Variants in ZDHHC14 observed in about 807,000 individuals in gnomAD.
ZDHHC14 encodes zDHHC palmitoyltransferase 14.
ZDHHC14 carries 16 observed loss-of-function variants against 47.7 expected under a neutral mutation model. That is an observed-to-expected ratio of 0.34 (90% CI 0.23 to 0.51). The LOEUF (loss-of-function observed/expected upper bound fraction) is 0.51. Ranked by LOEUF, ZDHHC14 falls within the 20% of genes least tolerant of loss-of-function variation. ZDHHC14 has a pLI of 0.97. For missense variants in ZDHHC14, 515 were observed against 662.5 expected, an observed-to-expected ratio of 0.78 and a Z score of 2.44; for synonymous variants, 293 against 278.9, an observed-to-expected ratio of 1.05 and a Z score of -0.50.
At chr6:157,576,903 G>A (rs2114866700) in intron 2 of ZDHHC14, among the ~76,000 whole-genome samples, 1 of 152,264 alleles carries the variant, frequency 6.6e-6, no homozygotes, top group South Asian at 2.1e-4. Context: ...AGGGGTACAT[G>A]TGCAGGTTTC....
intron 8 of ZDHHC14, among the ~76,000 whole-genome samples, chr6:157,659,826 C>A (rs949973689): frequency 6.6e-6 from 1 of 152,202 alleles, no homozygotes; most frequent in Non-Finnish European, 1.5e-5. Context: ...TAAAAAAGTT[C>A]TTGCGTTCCA....
intron 1 of ZDHHC14, among the ~76,000 whole-genome samples, chr6:157,442,656 G>C (rs935788746): frequency 7.2e-5 from 11 of 152,222 alleles, no homozygotes; most frequent in African/African-American, 2.2e-4. Context: ...GATGTAGAAA[G>C]CGTACCCTGG....
chr6:157,611,452 A>G (rs1583017759), intron 3 of ZDHHC14, among the ~76,000 whole-genome samples: 1 of 152,196 alleles, frequency 6.6e-6, no homozygotes, highest in Non-Finnish European at 1.5e-5. Context: ...TGTCTAATAC[A>G]GTTTTTTGGA....
At chr6:157,397,641 CA>C (rs1369293860) in intron 1 of ZDHHC14, among the ~76,000 whole-genome samples, 1 of 152,188 alleles carries the variant, frequency 6.6e-6, no homozygotes, top group East Asian at 1.9e-4. Flanking sequence ...ATCACAGCTG[CA>C]GAGTCCCTTT....
At chr6:157,595,013 T>A (rs894304109) in intron 3 of ZDHHC14, among the ~76,000 whole-genome samples, 4 of 152,130 alleles carry the variant, frequency 2.6e-5, no homozygotes, top group Non-Finnish European at 4.4e-5. Context: ...TCTAATGCCT[T>A]ATTCTAGACT....
chr6:157,549,562 G>A (rs187351203), intron 2 of ZDHHC14, among the ~76,000 whole-genome samples: 1 of 152,128 alleles, frequency 6.6e-6, no homozygotes, highest in Non-Finnish European at 1.5e-5. Flanking sequence ...ACCATCTAGA[G>A]TGCATGGATG....
rs558255858 is a variant in ZDHHC14 at position 157,536,999 on chromosome 6, T to C, written c.246-5586T>C. Among the ~76,000 whole-genome samples, 101 of 109,146 alleles carry C rather than the reference T, an allele frequency of 9.3e-4. 18 individuals carry two copies. The highest frequency in any genetic ancestry group is 3.1e-3 in the African/African-American group (88 of 28,480). 71.6% of individuals were successfully genotyped at this position (109,146 alleles called of 152,430 possible). On this transcript the variant is annotated intron_variant, in intron 1 of 8. Coordinates refer to ENST00000359775, the MANE Select transcript of ZDHHC14 (RefSeq NM_024630.3). The stretch of plus-strand genomic sequence containing the variant: ...ACGCCCGGCTAATTTTTTGTATTTT[T>C]AGTAGAGACGGGGTTTCACCGTTTT...
At chr6:157,494,924 C>T (rs879900768) in intron 1 of ZDHHC14, among the ~76,000 whole-genome samples, 13 of 152,166 alleles carry the variant, frequency 8.5e-5, no homozygotes, top group Non-Finnish European at 1.3e-4. Flanking sequence ...CTCTTCTTGT[C>T]TCAACCCCTA....
chr6:157,621,188 G>A (rs1001051548), intron 3 of ZDHHC14, among the ~76,000 whole-genome samples: 3 of 152,112 alleles, frequency 2.0e-5, no homozygotes, highest in Non-Finnish European at 2.9e-5. Flanking sequence ...CCTTCAGCTA[G>A]TTTAATATTT....
At chr6:157,544,993 T>G (rs1781914791) in intron 2 of ZDHHC14, among the ~76,000 whole-genome samples, 1 of 152,246 alleles carries the variant, frequency 6.6e-6, no homozygotes, top group Non-Finnish European at 1.5e-5. Flanking sequence ...ATATGTGGTA[T>G]ATCCATACAA....
At chr6:157,517,261 AGTGGTGGGT>A (rs1265006326) in intron 1 of ZDHHC14, among the ~76,000 whole-genome samples, 3 of 150,974 alleles carry the variant, frequency 2.0e-5, no homozygotes, top group Non-Finnish European at 4.4e-5. Flanking sequence ...CAGGGATGGG[AGTGGTGGGT>A]GTGATGGGGA....
chr6:157,626,430 G>A (rs904631158), intron 3 of ZDHHC14, among the ~76,000 whole-genome samples: 1 of 152,178 alleles, frequency 6.6e-6, no homozygotes. Context: ...TTGACACATA[G>A]ATAGATTTCT....
Position 157,645,790 on chromosome 6 carries a change from C to T in ZDHHC14, c.806C>T (p.Ser269Leu). The part of the protein sequence containing the change: ...FFSVWSIVGL[S>L]GFHTYLISSN... ...TCTGTCTGGTCCATCGTTGGCCTCT[C>T]AGGATTCCACACCTACTTGATCAGC... Residue 269 changes from serine to leucine, a missense_variant, in exon 6 of 9, where the codon TCA (serine) becomes TTA (leucine). This residue lies in a region of ZDHHC14 where 229 missense variants were observed against 351.5 expected (regional missense o/e 0.65). Transcript: ENST00000359775. 2 of 1,614,124 alleles carry T rather than the reference C, an allele frequency of 1.2e-6. No individual in the cohort carries two copies. Among genetic ancestry groups the T allele is most frequent in the South Asian group, 1.1e-5 (1 of 91,062 alleles).
chr6:157,542,479 A>G (rs1781802769), intron 1 of ZDHHC14, 106 bp from the exon 2 acceptor site: 3 of 1,417,220 alleles, frequency 2.1e-6, no homozygotes, highest in Non-Finnish European at 1.9e-6. Context: ...CTCTCCTCCA[A>G]ATAAGCTTTT....
intron 5 of ZDHHC14, among the ~76,000 whole-genome samples, chr6:157,639,182 G>A (rs143486553): frequency 3.3e-5 from 5 of 152,378 alleles, no homozygotes; most frequent in African/African-American, 1.2e-4. Flanking sequence ...ACCCCGATGG[G>A]GTGGGGGCAG....
chr6:157,581,070 T>G (rs62423203), intron 2 of ZDHHC14, among the ~76,000 whole-genome samples: 27,648 of 151,906 alleles, frequency 0.18, 3,089 homozygotes, highest in African/African-American at 0.32. Context: ...TGCTATAAAC[T>G]TCCATCTGAA....
intron 8 of ZDHHC14, among the ~76,000 whole-genome samples, chr6:157,662,645 T>C (rs1778395149): frequency 6.6e-6 from 1 of 152,224 alleles, no homozygotes; most frequent in South Asian, 2.1e-4. Flanking sequence ...ACCCTGGATG[T>C]AAAACTAGGA....
intron 1 of ZDHHC14, among the ~76,000 whole-genome samples, chr6:157,529,820 C>G (rs565434460): frequency 3.0e-4 from 46 of 152,240 alleles, no homozygotes; most frequent in Admixed American, 1.8e-3. Flanking sequence ...ATTGAGAGAC[C>G]ATGCCTTGGG....
At chr6:157,504,440 A>G (rs9457627) in intron 1 of ZDHHC14, among the ~76,000 whole-genome samples, 35,039 of 128,110 alleles carry the variant, frequency 0.27, 5,298 homozygotes, top group African/African-American at 0.44. Context: ...GAGCCACCGC[A>G]CCCAGCCTAT....
Sources: gnomAD v4.1 joint callset for allele counts (sites outside exome capture counted in the v4.1 genomes callset) on GRCh38, gnomAD v4.1.1 for gene constraint, gnomAD v4.1.1 regional missense constraint, MANE v1.5 for transcripts, NCBI Gene and HGNC (gene_info 2026-07-23, HGNC 2026-07-21) for gene names.